HS3ST5: variants seen among roughly 807,000 people sequenced by gnomAD.
HS3ST5 encodes the protein heparan sulfate glucosamine 3-O-sulfotransferase 5.
Under a neutral mutation model 25.4 loss-of-function variants are expected in HS3ST5, and 10 were observed. The observed-to-expected ratio is 0.39, with a 90% CI of 0.24 to 0.67. HS3ST5 has a LOEUF of 0.67. Among genes scored for constraint, HS3ST5 ranks in the 30% least tolerant of loss-of-function variants. The probability of loss-of-function intolerance (pLI) is 0.44; values close to 1 mark genes in which losing one functional copy is unlikely to be tolerated. For synonymous variants in HS3ST5, 170 were observed against 162.4 expected (o/e 1.05, Z -0.36); for missense variants, 324 against 420.7 (o/e 0.77, Z 2.01).
chr6:114,242,182 G>A (rs1257389724), intron 1 of HS3ST5, among the ~76,000 whole-genome samples: 1 of 152,122 alleles, frequency 6.6e-6, no homozygotes, highest in Non-Finnish European at 1.5e-5. Context: ...TTTTAGGACA[G>A]TAGGGAAAAA....
At chr6:114,233,774 A>G (rs1771722915) in intron 1 of HS3ST5, among the ~76,000 whole-genome samples, 1 of 152,204 alleles carries the variant, frequency 6.6e-6, no homozygotes, top group Admixed American at 6.5e-5. Context: ...ATTAATTCCT[A>G]GTTAGTGGAC....
chr6:114,165,016 A>G (rs1172667293), intron 3 of HS3ST5, among the ~76,000 whole-genome samples: 4 of 152,190 alleles, frequency 2.6e-5, no homozygotes, highest in African/African-American at 7.2e-5. Flanking sequence ...TTGTTCCAAG[A>G]AGCACTGGGC....
rs956737793 is a variant in HS3ST5 at position 114,241,142 on chromosome 6, T to G, written c.-338-12364A>C. On this transcript the variant is annotated intron_variant, in intron 1 of 4. Transcript: ENST00000312719. ...TTTAAAGAAAAATCAGTTTTTTTTT[T>G]TTTTTTTTTTTTACTATAATACAAA... is the stretch of plus-strand genomic sequence containing the variant. Among the ~76,000 whole-genome samples the G allele has an allele frequency of 2.9e-4, 44 of 150,840 alleles. No homozygotes were observed. In the East Asian group the frequency reaches 4.3e-3, roughly 15 times the overall value.
At chr6:114,067,823 A>G (rs1773551090) in intron 3 of HS3ST5, among the ~76,000 whole-genome samples, 1 of 152,190 alleles carries the variant, frequency 6.6e-6, no homozygotes, top group African/African-American at 2.4e-5. Flanking sequence ...CTCATGGTGA[A>G]GTGGAAAGAC....
intron 3 of HS3ST5, among the ~76,000 whole-genome samples, chr6:114,149,592 G>A (rs888259310): frequency 6.6e-6 from 1 of 152,078 alleles, no homozygotes; most frequent in Middle Eastern, 3.2e-3. Flanking sequence ...CAGGTGGGGG[G>A]CAGGGGAGGG....
In HS3ST5 at chr6:114,055,817, G is replaced by A. The variant is rs1772747718; in HGVS notation, c.*1440C>T. 6.6e-6 allele frequency: 1 copy of A among 152,006 alleles called. No individual in the cohort carries two copies. The highest frequency in any genetic ancestry group is 2.4e-5 in the African/African-American group (1 of 41,384). 9.4% of individuals were successfully genotyped at this position (152,006 alleles called of 1,614,324 possible). A position where few individuals can be genotyped will look rare whatever the true frequency, so the allele number is the denominator to read the frequency against. The stretch of plus-strand genomic sequence containing the variant: ...TGAGAAAAAAAAAATCCATCTTTTT[G>A]TTGTCGTTGTTAATACCCCTTTCCA... On this transcript the variant is annotated 3_prime_UTR_variant, in exon 5 of 5. Coordinates refer to ENST00000312719, the MANE Select transcript of HS3ST5 (RefSeq NM_153612.4).
intron 1 of HS3ST5, among the ~76,000 whole-genome samples, chr6:114,248,956 AC>A (rs1163383972): frequency 6.6e-6 from 1 of 152,192 alleles, no homozygotes; most frequent in Non-Finnish European, 1.5e-5. Flanking sequence ...CATTGTTTAT[AC>A]CAACTATCTA....
chr6:114,186,313 CA>C (rs911780566), intron 2 of HS3ST5, among the ~76,000 whole-genome samples: 1 of 151,904 alleles, frequency 6.6e-6, no homozygotes, highest in African/African-American at 2.4e-5. Flanking sequence ...GCAAGCAAAG[CA>C]AAAAGTTCTT....
chr6:114,091,669 C>T (rs150518684), intron 3 of HS3ST5, among the ~76,000 whole-genome samples: 3 of 151,284 alleles, frequency 2.0e-5, no homozygotes, highest in East Asian at 1.9e-4. Context: ...GGTGACAGAG[C>T]GAGACTCCAT....
intron 2 of HS3ST5, among the ~76,000 whole-genome samples, chr6:114,189,416 T>A (rs1780389397): frequency 6.6e-6 from 1 of 152,110 alleles, no homozygotes; most frequent in East Asian, 1.9e-4. Flanking sequence ...GCTCTTGTTC[T>A]CTAATTCTGA....
At position 114,331,958 on chromosome 6, in the gene HS3ST5, A is replaced by G. The variant is rs1365759627; in HGVS notation, c.-339+10237T>C. Among the ~76,000 whole-genome samples, 3 of 152,028 alleles carry G rather than the reference A, an allele frequency of 2.0e-5. No individual in the cohort carries two copies. In the East Asian group the frequency reaches 5.8e-4, roughly 29 times the overall value. On this transcript the variant is annotated intron_variant, in intron 1 of 4. Coordinates refer to ENST00000312719, the MANE Select transcript of HS3ST5 (RefSeq NM_153612.4). ...TAAATATAAGTCCTCTGCTTTGTAG[A>G]GAAAAATGAACTTAAATAATATGAT...
At chr6:114,162,504 G>T (rs1779020604) in intron 3 of HS3ST5, among the ~76,000 whole-genome samples, 1 of 152,032 alleles carries the variant, frequency 6.6e-6, no homozygotes, top group Admixed American at 6.6e-5. Flanking sequence ...AATCCATCCT[G>T]CCTAGTCCTG....
intron 3 of HS3ST5, among the ~76,000 whole-genome samples, chr6:114,161,592 A>T: frequency 1.0e-5 from 1 of 99,422 alleles, no homozygotes; most frequent in African/African-American, 3.6e-5. Context: ...AATGGCGTGT[A>T]TGTGTGTATG....
intron 1 of HS3ST5, among the ~76,000 whole-genome samples, chr6:114,236,596 T>TC (rs1210859511): frequency 6.6e-6 from 1 of 152,224 alleles, no homozygotes; most frequent in African/African-American, 2.4e-5. Context: ...GTTTGGCTTA[T>TC]AGTGGATGCT....
intron 3 of HS3ST5, among the ~76,000 whole-genome samples, chr6:114,081,170 C>T (rs568856377): frequency 2.6e-5 from 4 of 151,840 alleles, no homozygotes; most frequent in South Asian, 2.1e-4. Context: ...TTATGGTGCC[C>T]GAAATAATTA....
intron 1 of HS3ST5, among the ~76,000 whole-genome samples, chr6:114,250,347 C>T (rs908039690): frequency 9.9e-5 from 15 of 152,090 alleles, no homozygotes; most frequent in Admixed American, 4.6e-4. Flanking sequence ...TTTGGGAGGT[C>T]GAGACGGGCA....
chr6:114,257,639 T>C (rs962193881), intron 1 of HS3ST5, among the ~76,000 whole-genome samples: 2 of 152,328 alleles, frequency 1.3e-5, no homozygotes, highest in East Asian at 3.9e-4. Context: ...ATTTTTGTTA[T>C]CATGGTCCTG....
chr6:114,100,501 C>T (rs536427518), intron 3 of HS3ST5, among the ~76,000 whole-genome samples: 13 of 152,242 alleles, frequency 8.5e-5, no homozygotes, highest in African/African-American at 2.6e-4. Context: ...GGCTTTCAGT[C>T]GGGGCACAAA....
At chr6:114,060,089 C>G (rs1298225474) in intron 4 of HS3ST5, among the ~76,000 whole-genome samples, 1 of 152,184 alleles carries the variant, frequency 6.6e-6, no homozygotes, top group Non-Finnish European at 1.5e-5. Flanking sequence ...TCTTGGCTCA[C>G]TGCAATCTCT....
Sources: allele counts gnomAD v4.1 joint callset (sites outside exome capture counted in the v4.1 genomes callset), GRCh38; gene constraint gnomAD v4.1.1; transcripts MANE v1.5; gene names NCBI Gene and HGNC (gene_info 2026-07-23, HGNC 2026-07-21).